The following CDK2AP1 variants were observed in gnomAD, a reference collection of about 807,000 sequenced individuals.
CDK2AP1 encodes the protein cyclin-dependent kinase 2-associated protein 1.
A neutral mutation model predicts 14.1 loss-of-function variants in CDK2AP1; 10 were observed. The observed-to-expected ratio is 0.71, with a 90% CI of 0.44 to 1.20. The LOEUF (loss-of-function observed/expected upper bound fraction) is 1.20, where lower values mean the gene tolerates loss of function less well. CDK2AP1 is among the 50% of genes most tolerant of loss of function. The probability of loss-of-function intolerance (pLI) is 0.00; values close to 1 mark genes in which losing one functional copy is unlikely to be tolerated. For missense variants in CDK2AP1, 102 were observed against 149.9 expected (o/e 0.68, Z 1.67); for synonymous variants, 59 against 59.8 (o/e 0.99, Z 0.06).
chr12:123,271,428 A>C, intron 1 of CDK2AP1, 136 bp downstream of exon 1: 1 of 280,076 alleles, frequency 3.6e-6, no homozygotes, highest in Non-Finnish European at 5.3e-6. Context: ...TGGCGGCGGC[A>C]GCGCTGCCCC....
At chr12:123,262,956 G>C (rs370479225) in intron 3 of CDK2AP1, among the ~76,000 whole-genome samples, 1 of 151,606 alleles carries the variant, frequency 6.6e-6, no homozygotes, top group Admixed American at 6.6e-5. Flanking sequence ...GCTCACACCT[G>C]TAATCCCAGC....
intron 1 of CDK2AP1, chr12:123,267,771 T>C (rs1214871095): frequency 1.3e-5 from 2 of 157,604 alleles, no homozygotes; most frequent in Non-Finnish European, 2.8e-5. Flanking sequence ...CTTGGAGTAT[T>C]TGAGACCCAA....
At position 123,271,676 on chromosome 12, in the gene CDK2AP1, G is replaced by T; in HGVS notation, c.-58C>A. On this transcript the variant is annotated 5_prime_UTR_variant, in exon 1 of 4. Transcript: ENST00000261692. ...GGGCCAGGCCGCGAGGGCGGCGGCG[G>T]CGGCGGCGAGGCCGGGCGGTAGCGC... The T allele has an allele frequency of 1.4e-6, 1 of 698,944 alleles. No individual in the cohort carries two copies. Among genetic ancestry groups the T allele is most frequent in the Non-Finnish European group, 1.8e-6 (1 of 570,882 alleles). 43.3% of individuals were successfully genotyped at this position (698,944 alleles called of 1,614,324 possible).
intron 3 of CDK2AP1, among the ~76,000 whole-genome samples, chr12:123,264,433 C>A (rs1471498590): frequency 7.9e-6 from 1 of 126,304 alleles, no homozygotes; most frequent in East Asian, 2.2e-4. Context: ...GCACTCCAGC[C>A]TGGGCAACAA....
At chr12:123,262,412 C>A (rs896526221) in intron 3 of CDK2AP1, 2 of 152,112 alleles carry the variant, frequency 1.3e-5, no homozygotes, top group South Asian at 2.1e-4. Flanking sequence ...ACTAAGGATT[C>A]TATTCCTTCT....
chr12:123,270,377 G>A (rs1179017094), intron 1 of CDK2AP1: 1 of 158,104 alleles, frequency 6.3e-6, no homozygotes, highest in Non-Finnish European at 1.4e-5. Context: ...TCGTTTTTAT[G>A]GGTCCCACTT....
chr12:123,268,742 G>A (rs1240003387), intron 1 of CDK2AP1, among the ~76,000 whole-genome samples: 1 of 152,192 alleles, frequency 6.6e-6, no homozygotes, highest in Admixed American at 6.5e-5. Flanking sequence ...CTTGGGAGGG[G>A]GACGCACAAC....
chr12:123,264,330 CAT>C (rs1376993831), intron 3 of CDK2AP1, among the ~76,000 whole-genome samples: 1 of 151,298 alleles, frequency 6.6e-6, no homozygotes, highest in Non-Finnish European at 1.5e-5. Context: ...TGTGGTGGCA[CAT>C]GCCTGTAATC....
Position 123,261,904 on chromosome 12 carries a change from A to C in CDK2AP1, c.281-101T>G, listed in dbSNP as rs1217394356. On this transcript the variant is annotated intron_variant, in intron 3 of 3. Transcript: ENST00000261692. ...GGATCCATCCTTCCACAGCCTGTCC[A>C]CAAAACCCTCAGACATAAAGAGAAC... 1.9e-5 allele frequency: 16 copies of C among 825,584 alleles called. No homozygotes were observed. The African/African-American group carries it at 2.5e-4, about 13-fold the overall frequency. The allele number at this position is 825,584 out of a possible 1,614,324, so 51.1% of individuals were successfully genotyped here.
In CDK2AP1 at chr12:123,261,501, T is replaced by C; in HGVS notation, c.*235A>G. On this transcript the variant is annotated 3_prime_UTR_variant, in exon 4 of 4. Transcript: ENST00000261692. The stretch of plus-strand genomic sequence containing the variant: ...ACTTTCCGTGCATCTTTTAAATCAA[T>C]GCTTAAAAAACAAAAAAAACCTGGG... 1 of 466,792 alleles carries C rather than the reference T, an allele frequency of 2.1e-6. No homozygotes were observed. Among genetic ancestry groups the C allele is most frequent in the Non-Finnish European group, 3.8e-6 (1 of 260,272 alleles). 28.9% of individuals were successfully genotyped at this position (466,792 alleles called of 1,614,324 possible). A position where few individuals can be genotyped will look rare whatever the true frequency, so the allele number is the denominator to read the frequency against.
intron 1 of CDK2AP1, chr12:123,271,240 G>A (rs2048351395): frequency 1.3e-5 from 2 of 152,464 alleles, no homozygotes; most frequent in South Asian, 4.0e-4. Flanking sequence ...CCCAGAAGCC[G>A]GAGGAAAAAG....
intron 3 of CDK2AP1, 191 bp from the exon 4 acceptor site, chr12:123,261,994 T>TCC (rs925614035): frequency 2.0e-6 from 1 of 508,712 alleles, no homozygotes; most frequent in African/African-American, 1.9e-5. Flanking sequence ...CTAAAGCCCT[T>TCC]CCCTCCTCAC....
chr12:123,270,398 G>A (rs918449174), intron 1 of CDK2AP1, among the ~76,000 whole-genome samples: 2 of 152,120 alleles, frequency 1.3e-5, no homozygotes, highest in East Asian at 3.9e-4. Flanking sequence ...CCGATTTGGG[G>A]GGTTACGAGG....
rs2048228469 is a variant in CDK2AP1 at position 123,261,177 on chromosome 12, GC to G, written c.*558del. 1 of 152,574 alleles carries G rather than the reference GC, an allele frequency of 6.6e-6. No individual in the cohort carries two copies. Among genetic ancestry groups the G allele is most frequent in the African/African-American group, 2.4e-5 (1 of 41,440 alleles). The allele number at this position is 152,574 out of a possible 1,614,324, so 9.5% of individuals were successfully genotyped here. Reference sequence around the variant, plus strand: ...GGGTCCTTGTTAGGTTTGGTGGGTTGCTCTTTCTTCTGTATTTATAACTTGT... The same window carrying G: ...GGGTCCTTGTTAGGTTTGGTGGGTTGTCTTTCTTCTGTATTTATAACTTGT... On this transcript the variant is annotated 3_prime_UTR_variant, in exon 4 of 4. Coordinates refer to ENST00000261692, the MANE Select transcript of CDK2AP1 (RefSeq NM_004642.4).
intron 3 of CDK2AP1, among the ~76,000 whole-genome samples, chr12:123,262,889 C>T (rs1329723850): frequency 6.6e-6 from 1 of 152,036 alleles, no homozygotes; most frequent in Non-Finnish European, 1.5e-5. Flanking sequence ...AGATAACTTT[C>T]ACACGTCCCA....
In CDK2AP1 at chr12:123,265,160, C is replaced by T; in HGVS notation, c.280+36G>A. On this transcript the variant is annotated intron_variant, in intron 3 of 3. Coordinates refer to ENST00000261692, the MANE Select transcript of CDK2AP1 (RefSeq NM_004642.4). This position sits in a 1 kb window ranked among gnomAD's most constrained non-coding sequence, Gnocchi z 5.3. ...TCTTTCCAGAGTTAAAGGTCTAGCA[C>T]TGTGGTCACCGACAGGGCAGCGGGG... 5 of 1,613,666 alleles carry T rather than the reference C, an allele frequency of 3.1e-6. No homozygotes were observed. The highest frequency in any genetic ancestry group is 4.2e-6 in the Non-Finnish European group (5 of 1,179,786).
At chr12:123,270,929 C>T in intron 1 of CDK2AP1, 1 of 985,248 alleles carries the variant, frequency 1.0e-6, no homozygotes, top group Non-Finnish European at 1.2e-6. Flanking sequence ...AGCCCCTGCT[C>T]CCACGCTCCC....
intron 1 of CDK2AP1, chr12:123,271,143 T>C: frequency 4.2e-6 from 2 of 475,856 alleles, no homozygotes; most frequent in Non-Finnish European, 5.4e-6. Flanking sequence ...ACGACCCCGC[T>C]CCCCAGGGCG....
At chr12:123,270,255 T>C (rs2048342026) in intron 1 of CDK2AP1, 1 of 961,322 alleles carries the variant, frequency 1.0e-6, no homozygotes, top group African/African-American at 1.8e-5. Flanking sequence ...CAGTGGCTGT[T>C]TGCTCTTTGG....
Sources: allele counts gnomAD v4.1 joint callset (sites outside exome capture counted in the v4.1 genomes callset), GRCh38; gene constraint gnomAD v4.1.1; non-coding constraint Gnocchi (gnomAD v3.1); transcripts MANE v1.5; gene names NCBI Gene and HGNC (gene_info 2026-07-23, HGNC 2026-07-21).